Variants in HPSE2 observed in about 807,000 individuals in gnomAD.
The protein encoded by HPSE2 is heparanase 2 (inactive).
Under a neutral mutation model 60.5 loss-of-function variants are expected in HPSE2, and 38 were observed. The observed-to-expected ratio is 0.63, with a 90% CI of 0.48 to 0.82. The LOEUF is 0.82. Among genes scored for constraint, HPSE2 ranks in the 40% least tolerant of loss-of-function variants. The pLI is 0.00. For missense variants in HPSE2, 713 were observed against 740.4 expected (o/e 0.96, Z 0.43); for synonymous variants, 295 against 293.2 (o/e 1.01, Z -0.06).
At chr10:99,273,163 A>G in the HPSE2 span, among the ~76,000 whole-genome samples, 1 of 152,242 alleles carries the variant, frequency 6.6e-6, no homozygotes, top group African/African-American at 2.4e-5. Context: ...GAAGTAACTC[A>G]GGAATAGAAA....
chr10:98,581,405 CTCTATAAG>C (rs1401074291), intron 9 of HPSE2, among the ~76,000 whole-genome samples: 1 of 152,034 alleles, frequency 6.6e-6, no homozygotes, highest in East Asian at 1.9e-4. Flanking sequence ...GCTTTAGAGC[CTCTATAAG>C]TCAGAGATTT....
chr10:99,260,239 T>C, the HPSE2 span, among the ~76,000 whole-genome samples: 3 of 102,868 alleles, frequency 2.9e-5, no homozygotes, highest in Admixed American at 1.0e-4. Context: ...CATGAGCTCC[T>C]ACAAAAAAAA....
At chr10:98,996,223 A>G (rs888921539) in intron 3 of HPSE2, among the ~76,000 whole-genome samples, 7 of 152,174 alleles carry the variant, frequency 4.6e-5, no homozygotes, top group African/African-American at 1.7e-4. Context: ...AATATTATGA[A>G]AAGTTGAGTG....
At chr10:98,661,290 T>A (rs1947218254) in intron 6 of HPSE2, among the ~76,000 whole-genome samples, 1 of 152,244 alleles carries the variant, frequency 6.6e-6, no homozygotes, top group East Asian at 1.9e-4. Flanking sequence ...AAATATAGTT[T>A]ACTGGTTTCC....
At chr10:99,183,972 A>C (rs1316355917) in intron 2 of HPSE2, among the ~76,000 whole-genome samples, 1 of 152,158 alleles carries the variant, frequency 6.6e-6, no homozygotes, top group East Asian at 1.9e-4. Flanking sequence ...CACTCTAACA[A>C]ATTTTGAAGA....
At chr10:98,994,396 C>T (rs962979822) in intron 3 of HPSE2, among the ~76,000 whole-genome samples, 1 of 152,188 alleles carries the variant, frequency 6.6e-6, no homozygotes, top group Non-Finnish European at 1.5e-5. Context: ...TCAAATTCAG[C>T]CTAAGGGCAG....
At chr10:98,883,697 G>A (rs182976186) in intron 3 of HPSE2, among the ~76,000 whole-genome samples, 34 of 152,086 alleles carry the variant, frequency 2.2e-4, no homozygotes, top group African/African-American at 6.7e-4. Flanking sequence ...CCAGCTAGTC[G>A]GGAGGCTGAG....
At chr10:98,667,411 T>G (rs1947393360) in intron 6 of HPSE2, among the ~76,000 whole-genome samples, 1 of 152,132 alleles carries the variant, frequency 6.6e-6, no homozygotes, top group Non-Finnish European at 1.5e-5. Flanking sequence ...GAGGATCTCC[T>G]CCCTAACTCA....
intron 10 of HPSE2, among the ~76,000 whole-genome samples, chr10:98,486,902 A>T (rs544851226): frequency 6.6e-6 from 1 of 152,300 alleles, no homozygotes; most frequent in East Asian, 1.9e-4. Context: ...ATTTACACTT[A>T]ACTCATCAAA....
intron 3 of HPSE2, among the ~76,000 whole-genome samples, chr10:99,136,316 G>C (rs1157025172): frequency 6.6e-6 from 1 of 152,124 alleles, no homozygotes; most frequent in Non-Finnish European, 1.5e-5. Context: ...GAGGTACAAA[G>C]AGGAACAGGT....
chr10:99,079,560 T>C (rs1843061865), intron 3 of HPSE2, among the ~76,000 whole-genome samples: 1 of 152,146 alleles, frequency 6.6e-6, no homozygotes, highest in South Asian at 2.1e-4. Context: ...TTGGGGGTTA[T>C]GGTAAACGCC....
chr10:98,799,318 T>C (rs1440479846), intron 3 of HPSE2, among the ~76,000 whole-genome samples: 2 of 152,094 alleles, frequency 1.3e-5, no homozygotes, highest in African/African-American at 4.8e-5. Flanking sequence ...AAGAGAGAGA[T>C]AGGGCCCAAT....
intron 1 of HPSE2, among the ~76,000 whole-genome samples, chr10:99,233,217 C>CCA (rs1554926743): frequency 0.029 from 74 of 2,522 alleles, no homozygotes; most frequent in Non-Finnish European, 0.047. Context: ...ACCACCACCA[C>CCA]CACACACACA....
At chr10:98,862,951 A>G (rs528156223) in intron 3 of HPSE2, among the ~76,000 whole-genome samples, 217 of 152,094 alleles carry the variant, frequency 1.4e-3, no homozygotes, top group Admixed American at 2.9e-3. Context: ...TTTATTAGAG[A>G]TGAGGTTTTG....
At chr10:98,850,071 A>G (rs1344724223) in intron 3 of HPSE2, among the ~76,000 whole-genome samples, 1 of 152,216 alleles carries the variant, frequency 6.6e-6, no homozygotes, top group African/African-American at 2.4e-5. Context: ...TAAAAATAAG[A>G]AAATCAAATT....
At chr10:99,290,349 T>C in the HPSE2 span, among the ~76,000 whole-genome samples, 2 of 152,190 alleles carry the variant, frequency 1.3e-5, no homozygotes, top group African/African-American at 4.8e-5. Flanking sequence ...GCCTCATACC[T>C]TGTAAGAATT....
At chr10:98,461,736 A>C in intron 11 of HPSE2, 1 of 1,535,126 alleles carries the variant, frequency 6.5e-7, no homozygotes. Context: ...CCATATACAG[A>C]ATTAGGTGCA....
At chr10:98,629,256 T>C (rs531517977) in intron 7 of HPSE2, among the ~76,000 whole-genome samples, 106 of 152,322 alleles carry the variant, frequency 7.0e-4, no homozygotes, top group African/African-American at 1.7e-3. Context: ...TAGCATCTCA[T>C]CTAGTTGGAA....
chr10:98,719,165 T>C (rs1385100832), intron 5 of HPSE2, among the ~76,000 whole-genome samples: 1 of 152,174 alleles, frequency 6.6e-6, no homozygotes, highest in African/African-American at 2.4e-5. Flanking sequence ...GTTTTTACGT[T>C]AGATGACCTT....
Sources: gnomAD v4.1 joint callset for allele counts (sites outside exome capture counted in the v4.1 genomes callset) on GRCh38, gnomAD v4.1.1 for gene constraint, MANE v1.5 for transcripts, NCBI Gene and HGNC (gene_info 2026-07-23, HGNC 2026-07-21) for gene names.